The following CEP128 variants were observed in gnomAD, a reference collection of about 807,000 sequenced individuals.
The protein encoded by CEP128 is centrosomal protein 128kDa.
CEP128 carries 132 observed loss-of-function variants against 156.7 expected under a neutral mutation model. The observed-to-expected ratio is 0.84, with a 90% confidence interval of 0.73 to 0.97. The LOEUF (loss-of-function observed/expected upper bound fraction) is 0.97, where lower values mean the gene tolerates loss of function less well. Among genes scored for constraint, CEP128 ranks in the 50% least tolerant of loss-of-function variants. The probability of loss-of-function intolerance (pLI) is 0.00; values close to 1 mark genes in which losing one functional copy is unlikely to be tolerated. For missense variants in CEP128, 1,252 were observed against 1,281.9 expected, an observed-to-expected ratio of 0.98 and a Z score of 0.36; for synonymous variants, 469 against 448.9, an observed-to-expected ratio of 1.04 and a Z score of -0.57.
chr14:80,739,595 C>G (rs1278902811), intron 19 of CEP128, among the ~76,000 whole-genome samples: 1 of 152,088 alleles, frequency 6.6e-6, no homozygotes, highest in Admixed American at 6.6e-5. Context: ...AGTCATTCTA[C>G]TCTTAAAGAC....
chr14:80,539,242 T>C (rs2140303693), intron 21 of CEP128, among the ~76,000 whole-genome samples: 1 of 152,116 alleles, frequency 6.6e-6, no homozygotes, highest in African/African-American at 2.4e-5. Context: ...CAGGGTAAAG[T>C]GGTAGTGAGT....
chr14:80,751,406 A>G (rs979757934), intron 18 of CEP128, among the ~76,000 whole-genome samples: 47 of 152,190 alleles, frequency 3.1e-4, no homozygotes, highest in Non-Finnish European at 8.8e-5. Context: ...AATACCCAAC[A>G]TCTTCATTAA....
intron 13 of CEP128, among the ~76,000 whole-genome samples, chr14:80,820,969 C>T (rs1000751592): frequency 1.1e-4 from 16 of 151,996 alleles, no homozygotes; most frequent in African/African-American, 3.6e-4. Context: ...AAATTAAACA[C>T]ATTTAATGTG....
intron 19 of CEP128, among the ~76,000 whole-genome samples, chr14:80,632,215 C>T (rs1893991261): frequency 6.6e-6 from 1 of 151,976 alleles, no homozygotes; most frequent in South Asian, 2.1e-4. Context: ...TATGTATGCA[C>T]ACATCACTAA....
At chr14:80,849,631 AT>A (rs1886788822) in intron 9 of CEP128, among the ~76,000 whole-genome samples, 1 of 152,332 alleles carries the variant, frequency 6.6e-6, no homozygotes, top group South Asian at 2.1e-4. Flanking sequence ...CAACTTTAAT[AT>A]TTTTTAAAAA....
chr14:80,945,684 T>A (rs1234148226), upstream of CEP128: 1 of 152,166 alleles, frequency 6.6e-6, no homozygotes, highest in Non-Finnish European at 1.5e-5. Context: ...GCTAGAATAG[T>A]CTTGATGTAC....
chr14:80,895,734 G>A lies in CEP128; in HGVS notation c.629C>T (p.Ala210Val). The change falls in exon 8 of 25, where the codon GCC becomes GTC. Residue 210 changes from alanine to valine, a missense_variant. Ala to Val is a moderately conservative substitution (Grantham distance 64). Transcript: ENST00000555265. ...LEELTEKLNE[A>V]QKQEVVSDRV... ...AGATCTCACCACTTCTTGTTTCTGGGCTTCATTAAGTTTTTCAGTCAATTC... is the reference window on the plus strand; with the variant it reads ...AGATCTCACCACTTCTTGTTTCTGGACTTCATTAAGTTTTTCAGTCAATTC... 6.4e-7 allele frequency: 1 copy of A among 1,572,616 alleles called. No homozygotes were observed. The highest frequency in any genetic ancestry group is 8.6e-7 in the Non-Finnish European group (1 of 1,158,596).
intron 23 of CEP128, among the ~76,000 whole-genome samples, chr14:80,525,122 TG>T (rs754078394): frequency 6.6e-5 from 10 of 152,270 alleles, no homozygotes; most frequent in Non-Finnish European, 1.5e-4. Flanking sequence ...ATGTTTCATT[TG>T]CATCTAGACC....
At chr14:80,935,708 A>G (rs1349343635) in intron 2 of CEP128, among the ~76,000 whole-genome samples, 1 of 149,406 alleles carries the variant, frequency 6.7e-6, no homozygotes, top group African/African-American at 2.5e-5. Flanking sequence ...ACAGAAATTA[A>G]TCGTTTTTAA....
chr14:80,521,447 A>T (rs1380018179), intron 23 of CEP128, among the ~76,000 whole-genome samples: 1 of 152,224 alleles, frequency 6.6e-6, no homozygotes, highest in Non-Finnish European at 1.5e-5. Context: ...TTGATTTCTG[A>T]ATAAGCACTT....
At chr14:80,623,222 C>T (rs1169667692) in intron 19 of CEP128, among the ~76,000 whole-genome samples, 1 of 150,526 alleles carries the variant, frequency 6.6e-6, no homozygotes, top group Non-Finnish European at 1.5e-5. Flanking sequence ...AAAAACCAAA[C>T]ACTGCATGTT....
intron 24 of CEP128, among the ~76,000 whole-genome samples, chr14:80,498,423 A>T (rs1887590589): frequency 6.6e-6 from 1 of 152,146 alleles, no homozygotes. Flanking sequence ...TCCTGCCCTT[A>T]ATGGTCGCCC....
intron 23 of CEP128, among the ~76,000 whole-genome samples, chr14:80,525,693 A>G (rs1335545801): frequency 6.6e-6 from 1 of 152,178 alleles, no homozygotes; most frequent in Non-Finnish European, 1.5e-5. Flanking sequence ...AACAAAGGTA[A>G]AAAGGAACAA....
rs547764356 is a variant in CEP128 at position 80,866,983 on chromosome 14, C to A, written c.646-4110G>T. ...ATTTTTCCCTTCATAATTTCACAGA[C>A]AGTAAATTTGTTCATATCACAGAAA... is the stretch of plus-strand genomic sequence containing the variant. On this transcript the variant is annotated intron_variant, in intron 8 of 24. Transcript: ENST00000555265. 3.9e-5 allele frequency among the ~76,000 whole-genome samples: 6 copies of A among 152,288 alleles called. 1 individual carries two copies. The highest frequency in any genetic ancestry group is 3.9e-4 in the Admixed American group (6 of 15,304).
chr14:80,868,040 G>A (rs1595521661), intron 8 of CEP128, among the ~76,000 whole-genome samples: 1 of 152,042 alleles, frequency 6.6e-6, no homozygotes, highest in African/African-American at 2.4e-5. Context: ...AGGAGAGAAT[G>A]AGATGATAAA....
At chr14:80,873,820 CG>C (rs1307712639) in intron 8 of CEP128, among the ~76,000 whole-genome samples, 6 of 151,602 alleles carry the variant, frequency 4.0e-5, no homozygotes, top group African/African-American at 1.5e-4. Context: ...TTTAACATCA[CG>C]AATATTTTAA....
intron 19 of CEP128, among the ~76,000 whole-genome samples, chr14:80,729,127 G>GTGTGTGTGTGTGTT (rs1222842349): frequency 8.7e-6 from 1 of 115,036 alleles, no homozygotes; most frequent in Non-Finnish European, 1.9e-5. Flanking sequence ...GTGTGTGTGT[G>GTGTGTGTGTGTGTT]TTTACCCAGT....
At chr14:80,617,814 T>TAAAC (rs1251994694) in intron 19 of CEP128, among the ~76,000 whole-genome samples, 1 of 151,548 alleles carries the variant, frequency 6.6e-6, no homozygotes, top group Non-Finnish European at 1.5e-5. Context: ...AAATAAAAAA[T>TAAAC]AAACAAACAA....
intron 2 of CEP128, among the ~76,000 whole-genome samples, chr14:80,923,708 G>A (rs753168260): frequency 2.6e-5 from 4 of 152,168 alleles, no homozygotes; most frequent in Non-Finnish European, 2.9e-5. Flanking sequence ...AAAATTGGGA[G>A]TGTACTTTAC....
Sources: gnomAD v4.1 joint callset for allele counts (sites outside exome capture counted in the v4.1 genomes callset) on GRCh38, gnomAD v4.1.1 for gene constraint, MANE v1.5 for transcripts, NCBI Gene and HGNC (gene_info 2026-07-23, HGNC 2026-07-21) for gene names.